The following LSM10 variants were observed in gnomAD, a reference collection of about 807,000 sequenced individuals.
LSM10 encodes LSM10, U7 small nuclear RNA associated.
In LSM10, 4 loss-of-function variants were observed where a neutral mutation model predicts 5.2. That is an observed-to-expected ratio of 0.77 (90% CI 0.38 to 1.77). The LOEUF is 1.77. Ranked by LOEUF, LSM10 falls within the 40% of genes most tolerant of loss-of-function variation. LSM10 has a pLI of 0.04. For synonymous variants in LSM10, 63 were observed against 67.4 expected, an observed-to-expected ratio of 0.94 and a Z score of 0.32; for missense variants, 150 against 171.6, an observed-to-expected ratio of 0.87 and a Z score of 0.70.
chr1:36,394,500 G>C (rs1647143999), intron 1 of LSM10, among the ~76,000 whole-genome samples: 1 of 152,060 alleles, frequency 6.6e-6, no homozygotes, highest in South Asian at 2.1e-4. Context: ...CCCCAACTCT[G>C]ATTTTTTAAA....
intron 1 of LSM10, among the ~76,000 whole-genome samples, chr1:36,395,704 G>C (rs1458057331): frequency 6.6e-6 from 1 of 151,948 alleles, no homozygotes; most frequent in African/African-American, 2.4e-5. Context: ...CTTGAATCCG[G>C]GAGGTGGAGG....
intron 1 of LSM10, 81 bp downstream of exon 1, chr1:36,397,686 G>A (rs1393460748): frequency 6.6e-6 from 1 of 152,384 alleles, no homozygotes; most frequent in East Asian, 1.9e-4. Flanking sequence ...ACGCTTCCTG[G>A]GCTCCGGCAC....
chr1:36,395,693 G>A (rs750029350), intron 1 of LSM10, among the ~76,000 whole-genome samples: 63 of 151,370 alleles, frequency 4.2e-4, no homozygotes, highest in African/African-American at 1.5e-3. Flanking sequence ...CAGGAGAATC[G>A]CTTGAATCCG....
At chr1:36,397,465 T>A (rs925510246) in intron 1 of LSM10, among the ~76,000 whole-genome samples, 5 of 152,188 alleles carry the variant, frequency 3.3e-5, no homozygotes, top group African/African-American at 9.6e-5. Flanking sequence ...ATGGGGCTGC[T>A]GCTGCGACTG....
At chr1:36,397,637 T>A (rs1647165063) in intron 1 of LSM10, 130 bp downstream of exon 1, 1 of 152,164 alleles carries the variant, frequency 6.6e-6, no homozygotes, top group African/African-American at 2.4e-5. Context: ...CGGGAGCGGG[T>A]CTGGGGAAAG....
intron 1 of LSM10, among the ~76,000 whole-genome samples, chr1:36,397,178 C>T (rs969766610): frequency 3.3e-5 from 5 of 152,196 alleles, no homozygotes; most frequent in Non-Finnish European, 5.9e-5. Context: ...AATCACACTC[C>T]ACTAAAGGTA....
In LSM10 at chr1:36,393,627, G is replaced by A. The variant is rs1647137326; in HGVS notation, c.*131C>T. On this transcript the variant is annotated 3_prime_UTR_variant, in exon 2 of 2. Transcript: ENST00000315732. ...CTGTGAAAGGCAGCTTTGACAGGTG[G>A]TGTCTGTTGGACACCAGCTTCTGGC... The A allele has an allele frequency of 8.0e-7, 1 of 1,253,366 alleles. No individual in the cohort carries two copies. The highest frequency in any genetic ancestry group is 1.5e-5 in the African/African-American group (1 of 67,014). 77.6% of individuals were successfully genotyped at this position (1,253,366 alleles called of 1,614,324 possible).
chr1:36,397,665 TG>T (rs1475938139), intron 1 of LSM10, 101 bp downstream of exon 1: 1 of 152,284 alleles, frequency 6.6e-6, no homozygotes, highest in African/African-American at 2.4e-5. Flanking sequence ...ACTCGGTAAA[TG>T]GGGAAGAAAA....
rs1647136632 is a variant in LSM10 at position 36,393,548 on chromosome 1, C to T, written c.*210G>A. The T allele has an allele frequency of 1.6e-6, 1 of 626,842 alleles. No individual in the cohort carries two copies. The highest frequency in any genetic ancestry group is 2.8e-6 in the Non-Finnish European group (1 of 359,866). 38.8% of individuals were successfully genotyped at this position (626,842 alleles called of 1,614,324 possible). A position where few individuals can be genotyped will look rare whatever the true frequency, so the allele number is the denominator to read the frequency against. Reference sequence around the variant, plus strand: ...ATCAAAAAGGGGGATTGTCACCTACCCCAAGGCCACATATAGGATTCTGGG... The same window carrying T: ...ATCAAAAAGGGGGATTGTCACCTACTCCAAGGCCACATATAGGATTCTGGG... On this transcript the variant is annotated 3_prime_UTR_variant, in exon 2 of 2. Coordinates refer to ENST00000315732, the MANE Select transcript of LSM10 (RefSeq NM_032881.3).
intron 1 of LSM10, among the ~76,000 whole-genome samples, chr1:36,394,755 A>G (rs908245632): frequency 7.4e-5 from 11 of 148,474 alleles, no homozygotes; most frequent in South Asian, 4.3e-4. Flanking sequence ...AGCTTGCAGT[A>G]AGCCAAGATC....
chr1:36,393,656 G>T lies in LSM10; in HGVS notation c.*102C>A. ...CTGTTGGACACCAGCTTCTGGCCTG[G>T]CCCTGCTTTCTTCTCGGGTACCAGA... On this transcript the variant is annotated 3_prime_UTR_variant, in exon 2 of 2. Transcript: ENST00000315732. The T allele has an allele frequency of 6.7e-7, 1 of 1,498,236 alleles. No individual in the cohort carries two copies. Among genetic ancestry groups the T allele is most frequent in the Non-Finnish European group, 9.1e-7 (1 of 1,101,148 alleles). 92.8% of individuals were successfully genotyped at this position (1,498,236 alleles called of 1,614,324 possible). A position where few individuals can be genotyped will look rare whatever the true frequency, so the allele number is the denominator to read the frequency against.
At chr1:36,396,820 A>G (rs1448624311) in intron 1 of LSM10, among the ~76,000 whole-genome samples, 1 of 152,222 alleles carries the variant, frequency 6.6e-6, no homozygotes, top group Non-Finnish European at 1.5e-5. Context: ...AAAAATACAA[A>G]AATTACCTGG....
In LSM10 at chr1:36,393,744, G is replaced by C; in HGVS notation, c.*14C>G. 1 of 1,612,286 alleles carries C rather than the reference G, an allele frequency of 6.2e-7. No homozygotes were observed. The highest frequency in any genetic ancestry group is 8.5e-7 in the Non-Finnish European group (1 of 1,179,122). ...TGGAGGACTCCGAGTTGGGGCCAGG[G>C]CTTGCTGAGGGCCTCACTTACAGTT... On this transcript the variant is annotated 3_prime_UTR_variant, in exon 2 of 2. Transcript: ENST00000315732.
At position 36,394,134 on chromosome 1, in the gene LSM10, C is replaced by T. The variant is rs769855139; in HGVS notation, c.-5G>A. On this transcript the variant is annotated 5_prime_UTR_variant, in exon 2 of 2. The change creates a premature stop within an existing upstream ORF in the 5' untranslated region. Coordinates refer to ENST00000315732, the MANE Select transcript of LSM10 (RefSeq NM_032881.3). ...CACTGAATGGCTCACCGCCATTCTT[C>T]CACACCAGCTGCCTGCTTGCTGTGG... is the stretch of plus-strand genomic sequence containing the variant. 2.2e-5 allele frequency: 35 copies of T among 1,605,106 alleles called. No individual in the cohort carries two copies. Among genetic ancestry groups the T allele is most frequent in the Non-Finnish European group, 2.6e-5 (30 of 1,175,510 alleles).
intron 1 of LSM10, among the ~76,000 whole-genome samples, chr1:36,395,644 G>A (rs1387746562): frequency 6.6e-6 from 1 of 152,018 alleles, no homozygotes; most frequent in African/African-American, 2.4e-5. Flanking sequence ...CGGGCATGGT[G>A]GTGAGCACCT....
rs774877232 is a variant in LSM10, at chr1:36,393,914, G to A, written c.216C>T (p.Leu72=). 1 of 1,614,150 alleles carries A rather than the reference G, an allele frequency of 6.2e-7. No homozygotes were observed. Among genetic ancestry groups the A allele is most frequent in the African/African-American group, 1.3e-5 (1 of 74,946 alleles). ...RWGHQVKLDD[L]FVTGRNVRYV... is the part of the protein sequence containing the mutation. ...AGCGGACATTGCGGCCTGTCACAAA[G>A]AGGTCATCCAGCTTGACCTGATGCC... Residue 72 remains leucine (L), a synonymous_variant, in exon 2 of 2, where the codon CTC becomes CTT. Transcript: ENST00000315732.
At chr1:36,394,725 A>G (rs11263883) in intron 1 of LSM10, among the ~76,000 whole-genome samples, 47,183 of 150,664 alleles carry the variant, frequency 0.31, 7,522 homozygotes, top group African/African-American at 0.35. Context: ...GCAGGAGAAT[A>G]GCGTGAACCT....
Position 36,393,851 on chromosome 1 carries a change from G to C in LSM10, c.279C>G (p.Thr93=). Residue 93 remains threonine, a synonymous_variant, in exon 2 of 2, where the codon ACC becomes ACG. Transcript: ENST00000315732. The part of the protein sequence containing the change: ...HIPDDVNITS[T]IEQQLQIIHR... The stretch of plus-strand genomic sequence containing the variant: ...GGATAATCTGCAGCTGCTGCTCAAT[G>C]GTCGAGGTGATGTTCACGTCATCTG... 1 of 1,614,238 alleles carries C rather than the reference G, an allele frequency of 6.2e-7. No homozygotes were observed.
intron 1 of LSM10, among the ~76,000 whole-genome samples, chr1:36,396,091 C>T (rs1647156494): frequency 3.4e-5 from 5 of 148,920 alleles, no homozygotes; most frequent in African/African-American, 7.5e-5. Flanking sequence ...GGCGTGGTGG[C>T]GGGCGCCTGT....
Sources: gnomAD v4.1 joint callset for allele counts (sites outside exome capture counted in the v4.1 genomes callset) on GRCh38, gnomAD v4.1.1 for gene constraint, MANE v1.5 for transcripts, NCBI Gene and HGNC (gene_info 2026-07-23, HGNC 2026-07-21) for gene names.